The following RCAN2 variants were observed in gnomAD, a reference collection of about 807,000 sequenced individuals.
The protein encoded by RCAN2 is regulator of calcineurin 2, also known as calcipressin-2.
Under a neutral mutation model 23.6 loss-of-function variants are expected in RCAN2, and 9 were observed. The ratio of observed to expected loss-of-function variants is 0.38; its 90% CI spans 0.23 to 0.67. RCAN2 has a LOEUF of 0.67. RCAN2 is among the 30% of genes least tolerant of loss of function. The pLI, the probability that RCAN2 is intolerant of heterozygous loss-of-function variation, is 0.51. For missense variants in RCAN2, 273 were observed against 302.3 expected, an observed-to-expected ratio of 0.90 and a Z score of 0.72; for synonymous variants, 109 against 115.7, an observed-to-expected ratio of 0.94 and a Z score of 0.37.
intron 1 of RCAN2, among the ~76,000 whole-genome samples, chr6:46,476,758 T>C (rs935115776): frequency 6.6e-6 from 1 of 152,162 alleles, no homozygotes; most frequent in African/African-American, 2.4e-5. Flanking sequence ...GCAAGAAAGA[T>C]GAACATATCT....
rs1234267533 is a variant in RCAN2 at position 46,340,154 on chromosome 6, T to G, written c.226-91258A>C. 2.6e-5 allele frequency among the ~76,000 whole-genome samples: 4 copies of G among 152,322 alleles called. 1 individual carries two copies. In the East Asian group the frequency reaches 7.7e-4, roughly 29 times the overall value. ...TCATGGACAGATTATTTCTGAGATC[T>G]TCTACCCTAGTTGCAGCTCCACTTG... On this transcript the variant is annotated intron_variant, in intron 2 of 4. Coordinates refer to ENST00000371374, the MANE Select transcript of RCAN2 (RefSeq NM_001251974.2).
At position 46,221,926 on chromosome 6, in the gene RCAN2, G is replaced by T; in HGVS notation, c.*1215C>A. On this transcript the variant is annotated 3_prime_UTR_variant, in exon 5 of 5. Coordinates refer to ENST00000371374, the MANE Select transcript of RCAN2 (RefSeq NM_001251974.2). ...CGTAACAAAAACAAATAACTTTTTT[G>T]AGCACACGGGTGTCGCGTGAGTAGG... is the stretch of plus-strand genomic sequence containing the variant. 2.5e-6 allele frequency: 1 copy of T among 398,484 alleles called. No individual in the cohort carries two copies. Among genetic ancestry groups the T allele is most frequent in the Non-Finnish European group, 4.4e-6 (1 of 225,994 alleles). 24.7% of individuals were successfully genotyped at this position (398,484 alleles called of 1,614,324 possible).
At chr6:46,323,768 G>A (rs775953686) in intron 2 of RCAN2, among the ~76,000 whole-genome samples, 3 of 152,020 alleles carry the variant, frequency 2.0e-5, no homozygotes, top group Admixed American at 6.5e-5. Flanking sequence ...AGAAACCTTC[G>A]GCAGTTGGTT....
intron 2 of RCAN2, among the ~76,000 whole-genome samples, chr6:46,295,191 T>G (rs969484182): frequency 6.6e-6 from 1 of 152,118 alleles, no homozygotes; most frequent in African/African-American, 2.4e-5. Flanking sequence ...CTCCGCATGC[T>G]TTGTTGGCTG....
At chr6:46,476,795 A>G (rs551390347) in intron 1 of RCAN2, among the ~76,000 whole-genome samples, 6 of 152,182 alleles carry the variant, frequency 3.9e-5, no homozygotes, top group Non-Finnish European at 7.3e-5. Context: ...AGCCCCTTTC[A>G]GTCAGAAGAT....
rs763615814 is a variant in RCAN2 at position 46,455,864 on chromosome 6, A to AAAAG, written c.225+884_225+887dup. 2.8e-3 allele frequency among the ~76,000 whole-genome samples: 420 copies of AAAAG among 151,118 alleles called. 5 individuals carry two copies. Among genetic ancestry groups the AAAAG allele is most frequent in the East Asian group, 0.019 (97 of 5,168 alleles). On this transcript the variant is annotated intron_variant, in intron 2 of 4. Transcript: ENST00000371374. ...AGAGCGAGATTCCGTTAAAAAAAAA[A>AAAAG]AAAGAAAGAAAGAAAGAAAGAAAAA...
intron 2 of RCAN2, among the ~76,000 whole-genome samples, chr6:46,310,438 C>T (rs538983035): frequency 6.6e-6 from 1 of 152,152 alleles, no homozygotes; most frequent in Non-Finnish European, 1.5e-5. Context: ...TGTGCTCAGA[C>T]CTTCTATTCT....
intron 4 of RCAN2, among the ~76,000 whole-genome samples, chr6:46,228,406 G>A (rs1765754545): frequency 6.6e-6 from 1 of 152,132 alleles, no homozygotes; most frequent in Non-Finnish European, 1.5e-5. Context: ...TTGTGTGGGA[G>A]TCTAAGTCTC....
chr6:46,243,761 T>C (rs1028585554), intron 4 of RCAN2, among the ~76,000 whole-genome samples: 2 of 146,350 alleles, frequency 1.4e-5, no homozygotes, highest in Admixed American at 7.0e-5. Context: ...AGTCAGCCGA[T>C]ATTGTGCCAC....
At chr6:46,309,856 C>T (rs1055141267) in intron 2 of RCAN2, among the ~76,000 whole-genome samples, 1 of 152,172 alleles carries the variant, frequency 6.6e-6, no homozygotes, top group Non-Finnish European at 1.5e-5. Flanking sequence ...TTAAACAACA[C>T]TGTACAGGCC....
chr6:46,274,716 C>T (rs1420704904), intron 2 of RCAN2, among the ~76,000 whole-genome samples: 1 of 152,190 alleles, frequency 6.6e-6, no homozygotes, highest in East Asian at 1.9e-4. Context: ...GTAGAGCAGA[C>T]ATGGTTGTGT....
At chr6:46,484,275 T>A (rs1275224808) in intron 1 of RCAN2, among the ~76,000 whole-genome samples, 2 of 152,188 alleles carry the variant, frequency 1.3e-5, no homozygotes, top group African/African-American at 4.8e-5. Flanking sequence ...AAAGACTAAT[T>A]TGAATAGTCA....
At position 46,295,200 on chromosome 6, in the gene RCAN2, T is replaced by G. The variant is rs765681819; in HGVS notation, c.226-46304A>C. On this transcript the variant is annotated intron_variant, in intron 2 of 4. Coordinates refer to ENST00000371374, the MANE Select transcript of RCAN2 (RefSeq NM_001251974.2). ...ATCTCCCTCCGCATGCTTTGTTGGCTGTTTCTTGGGAATATGCAAGTGGAG... is the reference window on the plus strand; with the variant it reads ...ATCTCCCTCCGCATGCTTTGTTGGCGGTTTCTTGGGAATATGCAAGTGGAG... Among the ~76,000 whole-genome samples, 21 of 152,140 alleles carry G rather than the reference T, an allele frequency of 1.4e-4. 1 individual carries two copies. Among genetic ancestry groups the G allele is most frequent in the East Asian group, 1.2e-3 (6 of 5,188 alleles).
At chr6:46,465,648 TC>T (rs1768356168) in intron 1 of RCAN2, among the ~76,000 whole-genome samples, 1 of 152,082 alleles carries the variant, frequency 6.6e-6, no homozygotes, top group Admixed American at 6.5e-5. Flanking sequence ...GAAATAAATA[TC>T]CCCAACTTGT....
intron 2 of RCAN2, among the ~76,000 whole-genome samples, chr6:46,358,432 A>C (rs994175644): frequency 6.6e-6 from 1 of 152,140 alleles, no homozygotes; most frequent in Non-Finnish European, 1.5e-5. Flanking sequence ...AGGGCCTGAG[A>C]GTCTCCCATC....
At chr6:46,239,489 T>G (rs1347704277) in intron 4 of RCAN2, among the ~76,000 whole-genome samples, 1 of 152,242 alleles carries the variant, frequency 6.6e-6, no homozygotes, top group African/African-American at 2.4e-5. Flanking sequence ...GATTTAGGCA[T>G]GCACGAGGTT....
At chr6:46,336,271 T>C (rs1253065499) in intron 2 of RCAN2, among the ~76,000 whole-genome samples, 1 of 152,160 alleles carries the variant, frequency 6.6e-6, no homozygotes. Flanking sequence ...CTGGTGACAT[T>C]GTAGAAATAT....
intron 1 of RCAN2, among the ~76,000 whole-genome samples, chr6:46,462,966 C>T (rs1396988586): frequency 2.6e-5 from 4 of 152,170 alleles, no homozygotes; most frequent in Non-Finnish European, 4.4e-5. Context: ...AGGAAGTTAA[C>T]CACAAATAAG....
chr6:46,472,586 A>G (rs548263824), intron 1 of RCAN2, among the ~76,000 whole-genome samples: 1 of 152,246 alleles, frequency 6.6e-6, no homozygotes, highest in African/African-American at 2.4e-5. Context: ...GTCTTTCTCC[A>G]TCATAATGGA....
Sources: allele counts gnomAD v4.1 joint callset (sites outside exome capture counted in the v4.1 genomes callset), GRCh38; gene constraint gnomAD v4.1.1; transcripts MANE v1.5; gene names NCBI Gene and HGNC (gene_info 2026-07-23, HGNC 2026-07-21).